OSBPL3: variants seen among roughly 807,000 people sequenced by gnomAD.
The protein encoded by OSBPL3 is oxysterol-binding protein-related protein 3.
In OSBPL3, 65 loss-of-function variants were observed where a neutral mutation model predicts 120.1. The ratio of observed to expected loss-of-function variants is 0.54; its 90% confidence interval spans 0.44 to 0.67. OSBPL3 has a LOEUF of 0.67. Among genes scored for constraint, OSBPL3 ranks in the 30% least tolerant of loss-of-function variants. OSBPL3 has a pLI of 0.00. For synonymous variants in OSBPL3, 416 were observed against 402.6 expected (o/e 1.03, Z -0.40); for missense variants, 1,004 against 1,082.1 (o/e 0.93, Z 1.01).
At chr7:24,902,331 A>T (rs1202500033) in intron 1 of OSBPL3, among the ~76,000 whole-genome samples, 1 of 152,098 alleles carries the variant, frequency 6.6e-6, no homozygotes, top group African/African-American at 2.4e-5. Context: ...ATATATACCC[A>T]CCATTTTTCT....
At position 24,867,826 on chromosome 7, in the gene OSBPL3, T is replaced by G. The variant is rs1051598836; in HGVS notation, c.382-1589A>C. Among the ~76,000 whole-genome samples the G allele has an allele frequency of 2.0e-5, 3 of 152,230 alleles. No individual in the cohort carries two copies. Among genetic ancestry groups the G allele is most frequent in the Admixed American group, 1.3e-4 (2 of 15,286 alleles). ...ATAAAGCACTATACAGCAATAGTAT[T>G]ATTTTTCTAACTTTTATTACTATCA... On this transcript the variant is annotated intron_variant, in intron 5 of 22. Coordinates refer to ENST00000313367, the MANE Select transcript of OSBPL3 (RefSeq NM_015550.4). This position sits in a 1 kb window ranked among gnomAD's most constrained non-coding sequence, Gnocchi z 4.5.
At chr7:24,814,963 G>A (rs1794290369) in intron 19 of OSBPL3, 96 bp downstream of exon 19, 3 of 1,199,294 alleles carry the variant, frequency 2.5e-6, no homozygotes, top group East Asian at 4.7e-5. Flanking sequence ...TGGCATAAAG[G>A]TGAAGGCGAA....
At chr7:24,902,701 AAATAAT>A (rs70942894) in intron 1 of OSBPL3, among the ~76,000 whole-genome samples, 2,219 of 144,024 alleles carry the variant, frequency 0.015, 20 homozygotes, top group Middle Eastern at 0.018. Context: ...AAGAGAAAAT[AAATAAT>A]AATAATAATA....
In OSBPL3 at chr7:24,872,331, T is replaced by C. The variant is rs137867079; in HGVS notation, c.97-262A>G. Among the ~76,000 whole-genome samples, 2 of 152,198 alleles carry C rather than the reference T, an allele frequency of 1.3e-5. No individual in the cohort carries two copies. The highest frequency in any genetic ancestry group is 2.4e-5 in the African/African-American group (1 of 41,536). ...GTTTCTTTCGGTGTTTGAACCTTAA[T>C]AGGCACAGCTAAATGTAAAGATTTT... On this transcript the variant is annotated intron_variant, in intron 2 of 22. Coordinates refer to ENST00000313367, the MANE Select transcript of OSBPL3 (RefSeq NM_015550.4). The surrounding 1 kb of genome is among the most constrained non-coding windows in gnomAD (Gnocchi z 4.1).
intron 12 of OSBPL3, among the ~76,000 whole-genome samples, chr7:24,846,830 C>G (rs1201928078): frequency 6.6e-6 from 1 of 152,004 alleles, no homozygotes; most frequent in African/African-American, 2.4e-5. Flanking sequence ...TTTGGGAGGC[C>G]GAGGTGGGTG....
intron 1 of OSBPL3, among the ~76,000 whole-genome samples, chr7:24,931,317 A>G (rs563799535): frequency 1.3e-5 from 2 of 152,332 alleles, no homozygotes; most frequent in East Asian, 3.9e-4. Flanking sequence ...AATGGTCCAC[A>G]AATATGTCCA....
chr7:24,892,901 A>AG (rs1805585189), intron 1 of OSBPL3, among the ~76,000 whole-genome samples: 1 of 152,252 alleles, frequency 6.6e-6, no homozygotes, highest in East Asian at 1.9e-4. Context: ...AAAATCTTAA[A>AG]ACACAGTAAG....
intron 22 of OSBPL3, 144 bp from the exon 23 acceptor site, chr7:24,800,423 G>T: frequency 1.9e-6 from 1 of 518,454 alleles, no homozygotes; most frequent in Non-Finnish European, 3.5e-6. Context: ...GGGAATTCTG[G>T]GAATTAGATG....
rs1300790430 is a variant in OSBPL3 at position 24,870,744 on chromosome 7, G to A, written c.369C>T (p.Ile123=). The A allele has an allele frequency of 6.2e-7, 1 of 1,601,234 alleles. No individual in the cohort carries two copies. The highest frequency in any genetic ancestry group is 8.6e-7 in the Non-Finnish European group (1 of 1,168,342). ...KCIDLDTEEH[I]YHLKVKSEEV... ...GAAGCAGCCTCACCTTCAGATGGTAGATGTGCTCCTCGGTGTCAAGGTCTA... is the reference window on the plus strand; with the variant it reads ...GAAGCAGCCTCACCTTCAGATGGTAAATGTGCTCCTCGGTGTCAAGGTCTA... Residue 123 remains isoleucine (I), a synonymous_variant, in exon 5 of 23, where the codon ATC becomes ATT. Coordinates refer to ENST00000313367, the MANE Select transcript of OSBPL3 (RefSeq NM_015550.4).
rs1386690669 is a variant in OSBPL3, at chr7:24,820,057, C to G, written c.1948+118G>C. 6 of 679,958 alleles carry G rather than the reference C, an allele frequency of 8.8e-6. No individual in the cohort carries two copies. Among genetic ancestry groups the G allele is most frequent in the African/African-American group, 1.8e-5 (1 of 55,420 alleles). 42.1% of individuals were successfully genotyped at this position (679,958 alleles called of 1,614,324 possible). On this transcript the variant is annotated intron_variant, in intron 17 of 22. Transcript: ENST00000313367. This position sits in a 1 kb window ranked among gnomAD's most constrained non-coding sequence, Gnocchi z 4.6. ...AACAGGTGGCGCAGATCCTTCCAAC[C>G]AGGCCCAAATCCAAGGACCACTTTT...
intron 10 of OSBPL3, among the ~76,000 whole-genome samples, chr7:24,859,738 C>G (rs1348631547): frequency 6.6e-6 from 1 of 152,090 alleles, no homozygotes; most frequent in African/African-American, 2.4e-5. Flanking sequence ...ATACCTACTT[C>G]GCAGGCTGCA....
rs748262723 is a variant in OSBPL3 at position 24,802,151 on chromosome 7, A to G, written c.2568-1872T>C. Among the ~76,000 whole-genome samples, 28 of 152,232 alleles carry G rather than the reference A, an allele frequency of 1.8e-4. No homozygotes were observed. Among genetic ancestry groups the G allele is most frequent in the Admixed American group, 3.3e-4 (5 of 15,284 alleles). ...CTTGTTTCCCTATTCCAGTAACACT[A>G]TATGTTTAAAAATGAGTCAATCTGT... On this transcript the variant is annotated intron_variant, in intron 22 of 22. Transcript: ENST00000313367. The surrounding 1 kb of genome is among the most constrained non-coding windows in gnomAD (Gnocchi z 4.1).
rs1794732309 is a variant in OSBPL3, at chr7:24,818,403, G to A, written c.1949-1715C>T. ...CTAAAGTATTAACAATGTACTACAT[G>A]GTTTATGATATACAGAAGACGTATG... On this transcript the variant is annotated intron_variant, in intron 17 of 22. Coordinates refer to ENST00000313367, the MANE Select transcript of OSBPL3 (RefSeq NM_015550.4). This position sits in a 1 kb window ranked among gnomAD's most constrained non-coding sequence, Gnocchi z 4.0. Among the ~76,000 whole-genome samples the A allele has an allele frequency of 6.6e-6, 1 of 152,100 alleles. No homozygotes were observed. Among genetic ancestry groups the A allele is most frequent in the Admixed American group, 6.5e-5 (1 of 15,272 alleles).
chr7:24,806,203 C>T lies in OSBPL3; in HGVS notation c.2444+573G>A, dbSNP rs146852525. ...AACTCCTGACTTCAAGTGATCCGCC[C>T]GCTTCGGCCTCCCAAAGTGTTGTTT... On this transcript the variant is annotated intron_variant, in intron 21 of 22. Coordinates refer to ENST00000313367, the MANE Select transcript of OSBPL3 (RefSeq NM_015550.4). The surrounding 1 kb of genome is among the most constrained non-coding windows in gnomAD (Gnocchi z 5.2). Among the ~76,000 whole-genome samples the T allele has an allele frequency of 9.8e-3, 1,499 of 152,318 alleles. 28 individuals carry two copies. Among genetic ancestry groups the T allele is most frequent in the African/African-American group, 0.034 (1,421 of 41,558 alleles).
rs146018530 is a variant in OSBPL3, at chr7:24,856,813, T to C, written c.1028-4179A>G. The stretch of plus-strand genomic sequence containing the variant: ...TGAATTTTCTTTGAAATGTTAACAT[T>C]CCTAATATATCTGGGACACTCTGAT... On this transcript the variant is annotated intron_variant, in intron 10 of 22. Transcript: ENST00000313367. Among the ~76,000 whole-genome samples the C allele has an allele frequency of 9.8e-3, 1,490 of 152,280 alleles. 21 individuals carry two copies. The highest frequency in any genetic ancestry group is 0.034 in the African/African-American group (1,402 of 41,538).
rs1448312432 is a variant in OSBPL3 at position 24,965,934 on chromosome 7, T to A, written c.-150+13952A>T. ...CACTTCCCTCAAGGGTGTGTCCCAT[T>A]CATGTGGCCCCACCCCTCCAGCTGG... On this transcript the variant is annotated intron_variant, in intron 1 of 22. Coordinates refer to ENST00000313367, the MANE Select transcript of OSBPL3 (RefSeq NM_015550.4). The surrounding 1 kb of genome is among the most constrained non-coding windows in gnomAD (Gnocchi z 4.3). Among the ~76,000 whole-genome samples the A allele has an allele frequency of 1.3e-5, 2 of 152,154 alleles. No individual in the cohort carries two copies. Among genetic ancestry groups the A allele is most frequent in the Non-Finnish European group, 2.9e-5 (2 of 68,030 alleles).
intron 1 of OSBPL3, among the ~76,000 whole-genome samples, chr7:24,971,148 C>A (rs1816976803): frequency 6.6e-6 from 1 of 152,232 alleles, no homozygotes; most frequent in Non-Finnish European, 1.5e-5. Context: ...CTCGGACTGC[C>A]AGTCCAGTGC....
rs1461876643 is a variant in OSBPL3 at position 24,863,710 on chromosome 7, TC to T, written c.674-112del. Reference sequence around the variant, plus strand: ...ATTTATCTGTAGTTGATTTTTTTTTTCATCTGTAAGGGTTGGAAATTTTACT... The same window carrying T: ...ATTTATCTGTAGTTGATTTTTTTTTTATCTGTAAGGGTTGGAAATTTTACT... On this transcript the variant is annotated intron_variant, in intron 7 of 22. Transcript: ENST00000313367. This position sits in a 1 kb window ranked among gnomAD's most constrained non-coding sequence, Gnocchi z 5.8. 1 of 712,634 alleles carries T rather than the reference TC, an allele frequency of 1.4e-6. No individual in the cohort carries two copies. The highest frequency in any genetic ancestry group is 2.4e-6 in the Non-Finnish European group (1 of 417,748). 44.1% of individuals were successfully genotyped at this position (712,634 alleles called of 1,614,324 possible).
At chr7:24,809,326 T>G (rs983079171) in intron 20 of OSBPL3, among the ~76,000 whole-genome samples, 1 of 152,128 alleles carries the variant, frequency 6.6e-6, no homozygotes, top group Admixed American at 6.5e-5. Flanking sequence ...CCATATCTGC[T>G]CCAAGAGCTC....
Sources: allele counts gnomAD v4.1 joint callset (sites outside exome capture counted in the v4.1 genomes callset), GRCh38; gene constraint gnomAD v4.1.1; non-coding constraint Gnocchi (gnomAD v3.1); transcripts MANE v1.5; gene names NCBI Gene and HGNC (gene_info 2026-07-23, HGNC 2026-07-21).